The following PREP variants were observed in gnomAD, a reference collection of about 807,000 sequenced individuals.
PREP encodes prolyl endopeptidase.
In PREP, 29 loss-of-function variants were observed where a neutral mutation model predicts 87.6. The ratio of observed to expected loss-of-function variants is 0.33; its 90% CI spans 0.25 to 0.45. PREP has a LOEUF of 0.45. Ranked by LOEUF, PREP falls within the 20% of genes least tolerant of loss-of-function variation. The probability of loss-of-function intolerance (pLI) is 1.00; values close to 1 mark genes in which losing one functional copy is unlikely to be tolerated. For synonymous variants in PREP, 337 were observed against 328.6 expected, an observed-to-expected ratio of 1.03 and a Z score of -0.28; for missense variants, 695 against 886.5, an observed-to-expected ratio of 0.78 and a Z score of 2.74.
At chr6:105,305,764 A>G (rs976976922) in intron 10 of PREP, among the ~76,000 whole-genome samples, 2 of 152,176 alleles carry the variant, frequency 1.3e-5, no homozygotes, top group East Asian at 1.9e-4. Context: ...CCCCAGCATT[A>G]TCATCATAGA....
At chr6:105,380,492 G>T (rs1029329017) in intron 2 of PREP, among the ~76,000 whole-genome samples, 1 of 152,168 alleles carries the variant, frequency 6.6e-6, no homozygotes, top group African/African-American at 2.4e-5. Flanking sequence ...AGACTATAGG[G>T]GAGCAAAAGT....
At chr6:105,336,966 CA>C (rs1771499226) in intron 7 of PREP, among the ~76,000 whole-genome samples, 1 of 149,612 alleles carries the variant, frequency 6.7e-6, no homozygotes, top group African/African-American at 2.5e-5. Context: ...TGTTAATAAT[CA>C]TTTTTTTTTT....
At chr6:105,301,274 T>A (rs927336268) in intron 10 of PREP, among the ~76,000 whole-genome samples, 1 of 152,168 alleles carries the variant, frequency 6.6e-6, no homozygotes, top group African/African-American at 2.4e-5. Flanking sequence ...TCCCCCTTTT[T>A]ATCAGAGTTG....
At position 105,384,157 on chromosome 6, in the gene PREP, G is replaced by A. The variant is rs1772922800; in HGVS notation, c.121-6638C>T. On this transcript the variant is annotated intron_variant, in intron 2 of 14. Coordinates refer to ENST00000652536, the MANE Select transcript of PREP (RefSeq NM_002726.5). ...GTGACCGCTGCTGGCCAATCAGAAT[G>A]TCCCTCCCCCAGACCACGGCTGGGC... is the stretch of plus-strand genomic sequence containing the variant. Among the ~76,000 whole-genome samples the A allele has an allele frequency of 2.0e-5, 3 of 152,128 alleles. No homozygotes were observed. The South Asian group carries it at 6.2e-4, about 32-fold the overall frequency.
Position 105,341,786 on chromosome 6 carries a change from T to C in PREP, c.824-8281A>G, listed in dbSNP as rs190660827. 1.8e-3 allele frequency among the ~76,000 whole-genome samples: 270 copies of C among 152,328 alleles called. 3 individuals carry two copies. The highest frequency in any genetic ancestry group is 0.017 in the Middle Eastern group (5 of 294). On this transcript the variant is annotated intron_variant, in intron 7 of 14. Coordinates refer to ENST00000652536, the MANE Select transcript of PREP (RefSeq NM_002726.5). ...CTCTTTGCAAGTAAACTAGAAAATC[T>C]AGAAGAAATGGATTAATTCCTGGAC...
At chr6:105,302,638 T>A in intron 10 of PREP, 1 of 465,260 alleles carries the variant, frequency 2.1e-6, no homozygotes, top group South Asian at 1.7e-5. Flanking sequence ...TGTGTGAGTC[T>A]GGTTAATTAC....
chr6:105,364,786 T>A (rs368300622), intron 6 of PREP, among the ~76,000 whole-genome samples: 2 of 152,336 alleles, frequency 1.3e-5, no homozygotes, highest in African/African-American at 4.8e-5. Flanking sequence ...AAAATTTCTG[T>A]TCCAGTACAG....
At chr6:105,353,915 T>C (rs370076307) in intron 6 of PREP, among the ~76,000 whole-genome samples, 1 of 152,266 alleles carries the variant, frequency 6.6e-6, no homozygotes, top group African/African-American at 2.4e-5. Context: ...ATCTCAGAAA[T>C]GAATGGCTTA....
intron 10 of PREP, among the ~76,000 whole-genome samples, chr6:105,307,385 C>T (rs1232332208): frequency 9.9e-5 from 15 of 152,112 alleles, no homozygotes. Context: ...GCTTCTCCTT[C>T]TCCAGGTTCC....
intron 6 of PREP, among the ~76,000 whole-genome samples, chr6:105,358,305 A>T (rs1277945458): frequency 6.6e-6 from 1 of 152,160 alleles, no homozygotes; most frequent in Non-Finnish European, 1.5e-5. Context: ...AAAACTCTTT[A>T]CCATTTTTAT....
intron 10 of PREP, among the ~76,000 whole-genome samples, chr6:105,295,707 A>G (rs1283605229): frequency 6.6e-6 from 1 of 152,206 alleles, no homozygotes; most frequent in Non-Finnish European, 1.5e-5. Flanking sequence ...AAATACACAT[A>G]GGAGTTATTA....
Position 105,277,864 on chromosome 6 carries a change from G to A in PREP, c.*280C>T. 2.1e-6 allele frequency: 1 copy of A among 469,612 alleles called. No individual in the cohort carries two copies. Among genetic ancestry groups the A allele is most frequent in the Non-Finnish European group, 3.8e-6 (1 of 263,752 alleles). 29.1% of individuals were successfully genotyped at this position (469,612 alleles called of 1,614,324 possible). Reference sequence around the variant, plus strand: ...AATTCAGCAATCTAATATTCACAATGTGTTTGTTGCCATTTAGCTATTTAT... The same window carrying A: ...AATTCAGCAATCTAATATTCACAATATGTTTGTTGCCATTTAGCTATTTAT... On this transcript the variant is annotated 3_prime_UTR_variant, in exon 15 of 15. Coordinates refer to ENST00000652536, the MANE Select transcript of PREP (RefSeq NM_002726.5).
intron 10 of PREP, chr6:105,302,649 G>A: frequency 4.2e-6 from 2 of 470,828 alleles, no homozygotes; most frequent in Admixed American, 2.4e-5. Context: ...GGTTAATTAC[G>A]GTGAGAACAC....
At chr6:105,375,158 G>A (rs1383187710) in intron 4 of PREP, among the ~76,000 whole-genome samples, 1 of 152,108 alleles carries the variant, frequency 6.6e-6, no homozygotes, top group African/African-American at 2.4e-5. Context: ...TATTCAGAGG[G>A]AGGGGAAGGT....
At chr6:105,304,074 C>G (rs916001830) in intron 10 of PREP, among the ~76,000 whole-genome samples, 1 of 152,204 alleles carries the variant, frequency 6.6e-6, no homozygotes, top group African/African-American at 2.4e-5. Flanking sequence ...CCATGGGATT[C>G]ACATCTGCAG....
intron 6 of PREP, among the ~76,000 whole-genome samples, chr6:105,366,644 C>T (rs779681724): frequency 8.5e-5 from 13 of 152,226 alleles, no homozygotes; most frequent in Non-Finnish European, 1.5e-4. Context: ...ACACTAGCTG[C>T]TCACAGCAGC....
chr6:105,369,953 T>G (rs746037170), intron 5 of PREP, among the ~76,000 whole-genome samples: 5 of 152,068 alleles, frequency 3.3e-5, no homozygotes, highest in Admixed American at 6.5e-5. Flanking sequence ...GAAATCCAAA[T>G]TAAAACAATC....
intron 10 of PREP, chr6:105,298,942 C>T (rs1261426799): frequency 1.3e-5 from 2 of 152,122 alleles, no homozygotes; most frequent in African/African-American, 4.8e-5. Context: ...TTCAAAAAAA[C>T]CAAAAAACCT....
intron 2 of PREP, among the ~76,000 whole-genome samples, chr6:105,387,294 G>A (rs1434317592): frequency 2.0e-5 from 3 of 152,088 alleles, no homozygotes; most frequent in Admixed American, 6.5e-5. Flanking sequence ...TTTAACTGCT[G>A]TTTTCCCAAA....
Sources: gnomAD v4.1 joint callset for allele counts (sites outside exome capture counted in the v4.1 genomes callset) on GRCh38, gnomAD v4.1.1 for gene constraint, MANE v1.5 for transcripts, NCBI Gene and HGNC (gene_info 2026-07-23, HGNC 2026-07-21) for gene names.